The following GALNTL6 variants were observed in gnomAD, a reference collection of about 807,000 sequenced individuals.
GALNTL6 encodes polypeptide N-acetylgalactosaminyltransferase like 6, also known as polypeptide N-acetylgalactosaminyltransferase-like 6.
Under a neutral mutation model 73.7 loss-of-function variants are expected in GALNTL6, and 46 were observed. That is an observed-to-expected ratio of 0.62 (90% CI 0.49 to 0.80). The LOEUF (loss-of-function observed/expected upper bound fraction) is 0.80. GALNTL6 is among the 30% of genes least tolerant of loss of function. The pLI is 0.00. For missense variants in GALNTL6, 604 were observed against 755.0 expected, an observed-to-expected ratio of 0.80 and a Z score of 2.34; for synonymous variants, 259 against 263.7, an observed-to-expected ratio of 0.98 and a Z score of 0.17.
intron 5 of GALNTL6, among the ~76,000 whole-genome samples, chr4:172,746,546 G>T: frequency 6.6e-6 from 1 of 151,494 alleles, no homozygotes; most frequent in African/African-American, 2.4e-5. Context: ...CTCTATATTA[G>T]CTTTTGTCTA....
intron 5 of GALNTL6, among the ~76,000 whole-genome samples, chr4:172,467,173 C>T (rs184596112): frequency 6.2e-4 from 95 of 152,196 alleles, no homozygotes; most frequent in African/African-American, 1.8e-3. Context: ...GAGAAAAGGC[C>T]GTGATAATTA....
intron 5 of GALNTL6, among the ~76,000 whole-genome samples, chr4:172,498,288 G>A (rs1734141210): frequency 6.6e-6 from 1 of 151,972 alleles, no homozygotes. Context: ...GCACCCAGCT[G>A]AATGTCACAT....
At chr4:172,358,879 A>AAAAC (rs1399823412) in intron 5 of GALNTL6, among the ~76,000 whole-genome samples, 1 of 127,098 alleles carries the variant, frequency 7.9e-6, no homozygotes, top group African/African-American at 2.7e-5. Context: ...AAAAAAAAAA[A>AAAAC]AAACAGAGGC....
At chr4:172,269,276 C>T (rs1315935147) in intron 3 of GALNTL6, among the ~76,000 whole-genome samples, 1 of 152,128 alleles carries the variant, frequency 6.6e-6, no homozygotes, top group Non-Finnish European at 1.5e-5. Flanking sequence ...AATTCTCCTA[C>T]ACAATAAGGC....
At chr4:171,891,469 T>A (rs1306392966) in intron 2 of GALNTL6, among the ~76,000 whole-genome samples, 2 of 152,200 alleles carry the variant, frequency 1.3e-5, no homozygotes, top group Non-Finnish European at 2.9e-5. Context: ...TCTGCATACA[T>A]GTTTAGGGAA....
intron 5 of GALNTL6, among the ~76,000 whole-genome samples, chr4:172,617,508 G>A (rs557782854): frequency 3.8e-4 from 57 of 151,076 alleles, no homozygotes; most frequent in Admixed American, 1.7e-3. Context: ...ACCGATTCTC[G>A]CTCTGTCGCC....
At chr4:172,548,268 G>A (rs1402098021) in intron 5 of GALNTL6, among the ~76,000 whole-genome samples, 2 of 152,184 alleles carry the variant, frequency 1.3e-5, no homozygotes, top group Non-Finnish European at 1.5e-5. Context: ...AGCCATAAAT[G>A]TAAAAGATAA....
intron 5 of GALNTL6, among the ~76,000 whole-genome samples, chr4:172,560,444 C>A (rs764170277): frequency 5.3e-4 from 81 of 151,996 alleles, no homozygotes; most frequent in Non-Finnish European, 8.4e-4. Flanking sequence ...GAGCCATGAG[C>A]CACCACTGCA....
At chr4:172,576,889 A>G (rs1259515971) in intron 5 of GALNTL6, among the ~76,000 whole-genome samples, 2 of 152,220 alleles carry the variant, frequency 1.3e-5, no homozygotes, top group Non-Finnish European at 2.9e-5. Flanking sequence ...CGGGTTGTGC[A>G]GGTCAGAAAT....
chr4:172,964,851 C>A (rs1750252239), intron 10 of GALNTL6, among the ~76,000 whole-genome samples: 1 of 152,224 alleles, frequency 6.6e-6, no homozygotes, highest in South Asian at 2.1e-4. Context: ...AAAGCAGGTG[C>A]TTTCTGCACA....
chr4:172,095,926 G>A (rs1226800216), intron 2 of GALNTL6, among the ~76,000 whole-genome samples: 1 of 151,186 alleles, frequency 6.6e-6, no homozygotes, highest in Non-Finnish European at 1.5e-5. Flanking sequence ...TTTTGAAATT[G>A]GGAAATTTTA....
intron 4 of GALNTL6, among the ~76,000 whole-genome samples, chr4:172,341,268 G>A (rs893956212): frequency 6.6e-6 from 1 of 150,974 alleles, no homozygotes; most frequent in Non-Finnish European, 1.5e-5. Context: ...CGGCTAAAAC[G>A]GTGAAACCCC....
At chr4:172,362,342 T>A (rs984030665) in intron 5 of GALNTL6, among the ~76,000 whole-genome samples, 1 of 151,746 alleles carries the variant, frequency 6.6e-6, no homozygotes, top group African/African-American at 2.4e-5. Context: ...TTTAAGTAAT[T>A]TATAAGTGTA....
At chr4:172,693,450 T>C (rs554206282) in intron 5 of GALNTL6, among the ~76,000 whole-genome samples, 1 of 152,302 alleles carries the variant, frequency 6.6e-6, no homozygotes, top group South Asian at 2.1e-4. Context: ...AACAATCTCT[T>C]CTTAACTGGC....
chr4:173,021,335 C>A, intron 11 of GALNTL6, 141 bp from the exon 12 acceptor site: 1 of 823,084 alleles, frequency 1.2e-6, no homozygotes, highest in Non-Finnish European at 1.9e-6. Flanking sequence ...TCCAACACCT[C>A]TGTTAGGCTG....
chr4:172,793,916 A>G (rs1187306624), intron 5 of GALNTL6, among the ~76,000 whole-genome samples: 1 of 152,196 alleles, frequency 6.6e-6, no homozygotes, highest in Non-Finnish European at 1.5e-5. Context: ...TGATATATAT[A>G]CATACATATG....
chr4:172,909,339 A>G (rs1373937162), intron 8 of GALNTL6, among the ~76,000 whole-genome samples: 2 of 108,094 alleles, frequency 1.9e-5, no homozygotes, highest in Non-Finnish European at 3.7e-5. Flanking sequence ...GCAATCAACG[A>G]AAAGGTTAAT....
At chr4:172,775,012 A>C (rs2110877503) in intron 5 of GALNTL6, among the ~76,000 whole-genome samples, 1 of 149,728 alleles carries the variant, frequency 6.7e-6, no homozygotes, top group South Asian at 2.1e-4. Context: ...AAAATCCAGA[A>C]GATAAGGACT....
chr4:172,371,081 T>G (rs1396597201), intron 5 of GALNTL6, among the ~76,000 whole-genome samples: 3 of 152,246 alleles, frequency 2.0e-5, no homozygotes, highest in Admixed American at 2.0e-4. Context: ...CTGTAAGTAC[T>G]TTAAGATTTG....
Sources: gnomAD v4.1 joint callset for allele counts (sites outside exome capture counted in the v4.1 genomes callset) on GRCh38, gnomAD v4.1.1 for gene constraint, MANE v1.5 for transcripts, NCBI Gene and HGNC (gene_info 2026-07-23, HGNC 2026-07-21) for gene names.